The following MAF variants were observed in gnomAD, a reference collection of about 807,000 sequenced individuals.
MAF encodes the protein MAF bZIP transcription factor.
In MAF, 10 loss-of-function variants were observed where a neutral mutation model predicts 22.0. The observed-to-expected ratio is 0.45, with a 90% CI of 0.28 to 0.77. MAF has a LOEUF of 0.77. MAF is among the 30% of genes least tolerant of loss of function. The probability of loss-of-function intolerance (pLI) is 0.12; values close to 1 mark genes in which losing one functional copy is unlikely to be tolerated. For synonymous variants in MAF, 337 were observed against 255.8 expected (o/e 1.32, Z -3.03); for missense variants, 544 against 548.4 (o/e 0.99, Z 0.08).
chr16:79,467,478 A>G, the MAF span, among the ~76,000 whole-genome samples: 1 of 152,204 alleles, frequency 6.6e-6, no homozygotes, highest in South Asian at 2.1e-4. Flanking sequence ...CTTATGAATT[A>G]GGAAACTGAG....
the MAF span, among the ~76,000 whole-genome samples, chr16:79,555,776 G>C: frequency 6.6e-6 from 1 of 152,164 alleles, no homozygotes; most frequent in African/African-American, 2.4e-5. Flanking sequence ...CTGATCTCAA[G>C]AATTTGGGAT....
At chr16:79,345,388 A>G in the MAF span, among the ~76,000 whole-genome samples, 1 of 152,170 alleles carries the variant, frequency 6.6e-6, no homozygotes, top group Non-Finnish European at 1.5e-5. Flanking sequence ...ACATGCTAAC[A>G]ATAAAAAGGA....
chr16:79,260,128 T>G, the MAF span, among the ~76,000 whole-genome samples: 1 of 152,188 alleles, frequency 6.6e-6, no homozygotes. Context: ...CTCCATACAC[T>G]TGACTCATTT....
intron 1 of MAF, among the ~76,000 whole-genome samples, chr16:79,588,426 CT>C (rs1392243190): frequency 3.3e-5 from 5 of 151,984 alleles, no homozygotes; most frequent in African/African-American, 1.2e-4. Flanking sequence ...AGATTTTTCT[CT>C]TTTCTTTCTT....
At chr16:79,539,837 T>C in the MAF span, among the ~76,000 whole-genome samples, 2 of 152,222 alleles carry the variant, frequency 1.3e-5, no homozygotes, top group African/African-American at 2.4e-5. Flanking sequence ...CTCTGAGGCA[T>C]GTGTGCATTG....
At chr16:79,327,523 T>G in the MAF span, among the ~76,000 whole-genome samples, 19 of 152,210 alleles carry the variant, frequency 1.2e-4, no homozygotes, top group African/African-American at 2.2e-4. Flanking sequence ...AGGTATTGAT[T>G]TGACAAGGTC....
chr16:79,282,804 T>C, the MAF span, among the ~76,000 whole-genome samples: 1 of 152,146 alleles, frequency 6.6e-6, no homozygotes, highest in African/African-American at 2.4e-5. Flanking sequence ...TTTTATCGCC[T>C]GAGGAGAATG....
chr16:79,326,534 C>G, the MAF span, among the ~76,000 whole-genome samples: 2 of 152,184 alleles, frequency 1.3e-5, no homozygotes. Flanking sequence ...ATTAAATTTT[C>G]TACACCCTAA....
the MAF span, chr16:79,211,905 G>GT: frequency 6.4e-7 from 1 of 1,554,828 alleles, no homozygotes; most frequent in South Asian, 1.2e-5. Flanking sequence ...ATCCGCAAGA[G>GT]TAAAGGAAAT....
the MAF span, among the ~76,000 whole-genome samples, chr16:79,430,584 AC>A: frequency 1.3e-5 from 2 of 152,190 alleles, no homozygotes; most frequent in Non-Finnish European, 2.9e-5. Context: ...GGCACAGAGC[AC>A]ATTTGCAGGA....
At chr16:79,207,578 A>G in the MAF span, among the ~76,000 whole-genome samples, 6 of 152,254 alleles carry the variant, frequency 3.9e-5, no homozygotes, top group African/African-American at 1.4e-4. Context: ...TCTCACAATC[A>G]TTGAATATAT....
chr16:79,544,375 G>C, the MAF span, among the ~76,000 whole-genome samples: 1 of 152,194 alleles, frequency 6.6e-6, no homozygotes, highest in Non-Finnish European at 1.5e-5. Context: ...TCCATCAGCA[G>C]AGAAAGTTTT....
the MAF span, among the ~76,000 whole-genome samples, chr16:79,415,332 AG>A: frequency 7.0e-6 from 1 of 143,368 alleles, no homozygotes; most frequent in African/African-American, 2.5e-5. Flanking sequence ...AGAAGGAAGG[AG>A]GGAGGATGAA....
At chr16:79,244,003 A>G in the MAF span, among the ~76,000 whole-genome samples, 1 of 152,088 alleles carries the variant, frequency 6.6e-6, no homozygotes, top group Non-Finnish European at 1.5e-5. Flanking sequence ...AAGGCCTTCA[A>G]CAAAATTCAA....
the MAF span, among the ~76,000 whole-genome samples, chr16:79,210,679 C>A: frequency 6.6e-6 from 1 of 152,128 alleles, no homozygotes; most frequent in South Asian, 2.1e-4. Flanking sequence ...ACGTGCCGAC[C>A]ATGTCTCCCT....
At chr16:79,483,999 A>T in the MAF span, among the ~76,000 whole-genome samples, 1 of 152,140 alleles carries the variant, frequency 6.6e-6, no homozygotes, top group Non-Finnish European at 1.5e-5. Flanking sequence ...AAAGTGTGTT[A>T]GATGGAGTGA....
At chr16:79,427,534 G>A in the MAF span, among the ~76,000 whole-genome samples, 26 of 152,226 alleles carry the variant, frequency 1.7e-4, no homozygotes, top group Admixed American at 9.2e-4. Flanking sequence ...GAGAGCTGGC[G>A]TGCATTGGCA....
At chr16:79,451,028 C>T in the MAF span, among the ~76,000 whole-genome samples, 1 of 152,040 alleles carries the variant, frequency 6.6e-6, no homozygotes, top group Non-Finnish European at 1.5e-5. Context: ...GTAATCTTAC[C>T]TGTACAGCAA....
the MAF span, among the ~76,000 whole-genome samples, chr16:79,259,834 G>A: frequency 1.3e-5 from 2 of 152,104 alleles, no homozygotes; most frequent in African/African-American, 2.4e-5. Flanking sequence ...AGAGGAGGGT[G>A]GATTTGATTT....
Sources: gnomAD v4.1 joint callset for allele counts (sites outside exome capture counted in the v4.1 genomes callset) on GRCh38, gnomAD v4.1.1 for gene constraint, MANE v1.5 for transcripts, NCBI Gene and HGNC (gene_info 2026-07-23, HGNC 2026-07-21) for gene names.